The following FGF11 variants were observed in gnomAD, a reference collection of about 807,000 sequenced individuals.
FGF11 encodes the protein fibroblast growth factor homologous factor 3.
Under a neutral mutation model 25.1 loss-of-function variants are expected in FGF11, and 25 were observed. That is an observed-to-expected ratio of 1.00 (90% CI 0.73 to 1.39). The LOEUF is 1.39. Ranked by LOEUF, FGF11 falls within the 40% of genes most tolerant of loss-of-function variation. FGF11 has a pLI of 0.00. For synonymous variants in FGF11, 130 were observed against 128.9 expected (o/e 1.01, Z -0.06); for missense variants, 320 against 311.0 (o/e 1.03, Z -0.22).
intron 4 of FGF11, 109 bp downstream of exon 4, chr17:7,442,901 A>C (rs548254767): frequency 1.1e-5 from 15 of 1,314,636 alleles, no homozygotes; most frequent in African/African-American, 2.9e-5. Flanking sequence ...ACCCTTTGTG[A>C]CAGATCAAGC....
Position 7,443,413 on chromosome 17 carries a change from A to C in FGF11, c.*267A>C. 2.3e-6 allele frequency: 1 copy of C among 426,938 alleles called. No individual in the cohort carries two copies. Among genetic ancestry groups the C allele is most frequent in the Non-Finnish European group, 4.2e-6 (1 of 239,950 alleles). The allele number at this position is 426,938 out of a possible 1,614,324, so 26.4% of individuals were successfully genotyped here. Reference sequence around the variant, plus strand: ...TGATCACTTCTTTCTTTCCACACTCACACAACGCCATGCCTTTTCCTGAGA... The same window carrying C: ...TGATCACTTCTTTCTTTCCACACTCCCACAACGCCATGCCTTTTCCTGAGA... On this transcript the variant is annotated 3_prime_UTR_variant, in exon 5 of 5. Coordinates refer to ENST00000293829, the MANE Select transcript of FGF11 (RefSeq NM_004112.4).
chr17:7,438,602 C>G (rs1597741063), upstream of FGF11: 1 of 153,010 alleles, frequency 6.5e-6, no homozygotes, highest in Non-Finnish European at 1.5e-5. Flanking sequence ...AGCCCTGTAG[C>G]AGGAAGCTGT....
chr17:7,441,708 C>A, intron 2 of FGF11, 68 bp from the exon 3 acceptor site: 1 of 1,561,232 alleles, frequency 6.4e-7, no homozygotes. Context: ...AAAAGTGGAG[C>A]TGGGATGAGG....
intron 1 of FGF11, 27 bp downstream of exon 1, chr17:7,439,840 C>G: frequency 2.1e-6 from 3 of 1,397,320 alleles, no homozygotes; most frequent in Non-Finnish European, 1.8e-6. Flanking sequence ...CGGGGTCTCC[C>G]GGCCAGAGGT....
rs1908394037 is a variant in FGF11 at position 7,442,761 on chromosome 17, A to T, written c.576A>T (p.Ala192=). The change falls in exon 4 of 5, where the codon GCA becomes GCT. Residue 192 remains alanine, a synonymous_variant. Coordinates refer to ENST00000293829, the MANE Select transcript of FGF11 (RefSeq NM_004112.4). ...MKGNRVKKTK[A]AAHFLPKLLE... ...GAAACCGAGTTAAGAAGACCAAGGC[A>T]GCTGCCCACTTTCTGCCCAAGCTCC... 6.2e-7 allele frequency: 1 copy of T among 1,614,006 alleles called. No individual in the cohort carries two copies. Among genetic ancestry groups the T allele is most frequent in the African/African-American group, 1.3e-5 (1 of 74,926 alleles).
In FGF11 at chr17:7,439,814, G is replaced by C. The variant is rs1485635698; in HGVS notation, c.193+1G>C. On this transcript the variant is annotated splice_donor_variant, in intron 1 of 4. Coordinates refer to ENST00000293829, the MANE Select transcript of FGF11 (RefSeq NM_004112.4). LOFTEE classifies it high-confidence loss of function. ...CCCGCGCGGCCGGACCGCGGCCCGG[G>C]TGAGTGCGGCTGGGGCGGGGTCTCC... 1.4e-6 allele frequency: 2 copies of C among 1,429,454 alleles called. No individual in the cohort carries two copies. Among genetic ancestry groups the C allele is most frequent in the South Asian group, 1.5e-5 (1 of 65,396 alleles). 88.5% of individuals were successfully genotyped at this position (1,429,454 alleles called of 1,614,324 possible).
chr17:7,439,454 G>A (rs1202986574), upstream of FGF11: 12 of 511,298 alleles, frequency 2.3e-5, no homozygotes, highest in Non-Finnish European at 3.3e-5. Flanking sequence ...TGCTGTGGAG[G>A]GGGGTACGTG....
upstream of FGF11, chr17:7,438,558 G>C (rs902562096): frequency 6.5e-6 from 1 of 152,996 alleles, no homozygotes; most frequent in Non-Finnish European, 1.5e-5. Flanking sequence ...AAAGGAAGAG[G>C]GGGTGCTATA....
chr17:7,439,105 C>A (rs190878951), upstream of FGF11: 2 of 152,342 alleles, frequency 1.3e-5, no homozygotes, highest in African/African-American at 4.8e-5. Flanking sequence ...GGAAAAAACA[C>A]CAAGGTTGGG....
upstream of FGF11, among the ~76,000 whole-genome samples, chr17:7,438,775 A>T (rs990692606): frequency 7.2e-5 from 11 of 152,198 alleles, no homozygotes; most frequent in Admixed American, 2.0e-4. Context: ...AAAAAAACAA[A>T]AACAAAAACA....
In FGF11 at chr17:7,440,165, C is replaced by T. The variant is rs1908248803; in HGVS notation, c.193+352C>T. ...TCTTTCAATCTGGAGCGGAGGGGCCCGGGGGTTTCCAGATGCCTGGGTCAC... is the reference window on the plus strand; with the variant it reads ...TCTTTCAATCTGGAGCGGAGGGGCCTGGGGGTTTCCAGATGCCTGGGTCAC... On this transcript the variant is annotated intron_variant, in intron 1 of 4. Transcript: ENST00000293829. This position sits in a 1 kb window ranked among gnomAD's most constrained non-coding sequence, Gnocchi z 5.4. The T allele has an allele frequency of 4.7e-6, 1 of 214,580 alleles. No individual in the cohort carries two copies. 13.3% of individuals were successfully genotyped at this position (214,580 alleles called of 1,614,324 possible).
At chr17:7,439,291 G>A (rs554954557), upstream of FGF11, 112 of 275,350 alleles carry the variant, frequency 4.1e-4, no homozygotes, top group Non-Finnish European at 6.4e-4. Context: ...GTGGGTCTTG[G>A]CTTTGGGATA....
In FGF11 at chr17:7,440,706, A is replaced by G; in HGVS notation, c.194-765A>G. On this transcript the variant is annotated intron_variant, in intron 1 of 4. Coordinates refer to ENST00000293829, the MANE Select transcript of FGF11 (RefSeq NM_004112.4). This position sits in a 1 kb window ranked among gnomAD's most constrained non-coding sequence, Gnocchi z 5.4. ...CACCTCGCGCCCTCCTCCCCGCGCC[A>G]CCGGCTGCCCATAGTGGTACAATCC... 4.1e-6 allele frequency: 4 copies of G among 985,660 alleles called. No individual in the cohort carries two copies. Among genetic ancestry groups the G allele is most frequent in the Non-Finnish European group, 4.8e-6 (4 of 830,352 alleles). The allele number at this position is 985,660 out of a possible 1,614,324, so 61.1% of individuals were successfully genotyped here.
rs1908437703 is a variant in FGF11, at chr17:7,443,361, A to T, written c.*215A>T. The T allele has an allele frequency of 2.0e-6, 1 of 508,324 alleles. No homozygotes were observed. The highest frequency in any genetic ancestry group is 3.5e-6 in the Non-Finnish European group (1 of 288,476). The allele number at this position is 508,324 out of a possible 1,614,324, so 31.5% of individuals were successfully genotyped here. ...CTTTGGGCCTAGGAGGGAGTCAGAG[A>T]GGGGGATGTCTGAAGATGGTCCTGG... On this transcript the variant is annotated 3_prime_UTR_variant, in exon 5 of 5. Coordinates refer to ENST00000293829, the MANE Select transcript of FGF11 (RefSeq NM_004112.4).
At chr17:7,438,532 T>G (rs944875568), upstream of FGF11, 3 of 152,634 alleles carry the variant, frequency 2.0e-5, no homozygotes, top group Non-Finnish European at 4.4e-5. Context: ...ACAGGACAGG[T>G]TGAGGGGCGT....
chr17:7,439,430 G>C (rs1256950956), upstream of FGF11: 1 of 484,054 alleles, frequency 2.1e-6, no homozygotes, highest in African/African-American at 2.1e-5. Flanking sequence ...CTGGGCCCAC[G>C]GGTGGTAACT....
At chr17:7,439,076 C>T (rs1307317708), upstream of FGF11, 1 of 152,148 alleles carries the variant, frequency 6.6e-6, no homozygotes, top group Admixed American at 6.5e-5. Flanking sequence ...GGGATCCCCT[C>T]CATTTAGAGT....
Position 7,444,641 on chromosome 17 carries a change from C to T in FGF11, c.*1495C>T, listed in dbSNP as rs1908504703. Reference sequence around the variant, plus strand: ...GCCTGTCTAGATTTTTTCAGAAAAACGTGGAGTGCTAGGGGCAGCCTGGAA... The same window carrying T: ...GCCTGTCTAGATTTTTTCAGAAAAATGTGGAGTGCTAGGGGCAGCCTGGAA... On this transcript the variant is annotated 3_prime_UTR_variant, in exon 5 of 5. Transcript: ENST00000293829. The T allele has an allele frequency of 1.2e-5, 2 of 170,028 alleles. No homozygotes were observed. The highest frequency in any genetic ancestry group is 5.5e-5 in the Admixed American group (1 of 18,026). The allele number at this position is 170,028 out of a possible 1,614,324, so 10.5% of individuals were successfully genotyped here.
At chr17:7,442,130 G>A in intron 3 of FGF11, 1 of 435,760 alleles carries the variant, frequency 2.3e-6, no homozygotes, top group South Asian at 3.9e-5. Context: ...GCCTTTTAGG[G>A]CCCCTACTTC....
Sources: gnomAD v4.1 joint callset for allele counts (sites outside exome capture counted in the v4.1 genomes callset) on GRCh38, gnomAD v4.1.1 for gene constraint, Gnocchi (gnomAD v3.1) non-coding constraint, MANE v1.5 for transcripts, NCBI Gene and HGNC (gene_info 2026-07-23, HGNC 2026-07-21) for gene names.